The following CLASP2 variants were observed in gnomAD, a reference collection of about 807,000 sequenced individuals.
The protein encoded by CLASP2 is cytoplasmic linker associated protein 2, also known as CLIP-associating protein 2.
Under a neutral mutation model 194.4 loss-of-function variants are expected in CLASP2, and 47 were observed. The ratio of observed to expected loss-of-function variants is 0.24; its 90% CI spans 0.19 to 0.31. The LOEUF (loss-of-function observed/expected upper bound fraction) is 0.31. Among genes scored for constraint, CLASP2 ranks in the 10% least tolerant of loss-of-function variants. The pLI is 1.00. For synonymous variants in CLASP2, 619 were observed against 633.5 expected (o/e 0.98, Z 0.34); for missense variants, 1,445 against 1,823.6 (o/e 0.79, Z 3.78).
chr3:33,497,913 G>A lies in CLASP2; in HGVS notation c.*718C>T, dbSNP rs1172565399. 1.3e-5 allele frequency: 2 copies of A among 152,600 alleles called. No individual in the cohort carries two copies. Among genetic ancestry groups the A allele is most frequent in the Non-Finnish European group, 2.9e-5 (2 of 68,026 alleles). The allele number at this position is 152,600 out of a possible 1,614,324, so 9.5% of individuals were successfully genotyped here. A position where few individuals can be genotyped will look rare whatever the true frequency, so the allele number is the denominator to read the frequency against. ...AAGTATCAAGAAAAAACAGGCAGATGATTTGGTGCAGCTTTCTTAAGGGAT... is the reference window on the plus strand; with the variant it reads ...AAGTATCAAGAAAAAACAGGCAGATAATTTGGTGCAGCTTTCTTAAGGGAT... On this transcript the variant is annotated 3_prime_UTR_variant, in exon 39 of 39. Transcript: ENST00000682230.
chr3:33,633,494 T>A (rs1013274768), intron 8 of CLASP2, among the ~76,000 whole-genome samples: 1 of 152,140 alleles, frequency 6.6e-6, no homozygotes, highest in Non-Finnish European at 1.5e-5. Flanking sequence ...GTTCAAGCAA[T>A]GAGTTCACAA....
chr3:33,692,612 G>A (rs1241464742), intron 2 of CLASP2, among the ~76,000 whole-genome samples: 2 of 152,088 alleles, frequency 1.3e-5, no homozygotes, highest in Non-Finnish European at 2.9e-5. Context: ...AAGTTTCCTT[G>A]TCTGTAAAAT....
In CLASP2 at chr3:33,570,849, G is replaced by GT. The variant is rs1473093650; in HGVS notation, c.2700-60dup. On this transcript the variant is annotated intron_variant, in intron 25 of 38. Coordinates refer to ENST00000682230, the MANE Select transcript of CLASP2 (RefSeq NM_001365631.1). Reference sequence around the variant, plus strand: ...TGCTGTAGCAAGAAGTCATGTAAAAGTAACTTTACATATAATTTTCTTTAA... The same window carrying GT: ...TGCTGTAGCAAGAAGTCATGTAAAAGTTAACTTTACATATAATTTTCTTTAA... 4 of 1,144,498 alleles carry GT rather than the reference G, an allele frequency of 3.5e-6. No individual in the cohort carries two copies. In the East Asian group the frequency reaches 1.1e-4, roughly 32 times the overall value. The allele number at this position is 1,144,498 out of a possible 1,614,324, so 70.9% of individuals were successfully genotyped here.
chr3:33,618,703 T>A lies in CLASP2; in HGVS notation c.1317+900A>T, dbSNP rs996969673. 2.6e-5 allele frequency among the ~76,000 whole-genome samples: 4 copies of A among 152,108 alleles called. No individual in the cohort carries two copies. The South Asian group carries it at 8.3e-4, about 32-fold the overall frequency. ...AGGAAGTTAAAGAATATACTATGTA[T>A]ACTTACATGTTCTATATGTGTAGCA... On this transcript the variant is annotated intron_variant, in intron 12 of 38. Transcript: ENST00000682230.
At chr3:33,598,881 AC>A (rs2071232761) in intron 18 of CLASP2, among the ~76,000 whole-genome samples, 1 of 152,156 alleles carries the variant, frequency 6.6e-6, no homozygotes, top group Non-Finnish European at 1.5e-5. Flanking sequence ...CCTGTTTCCT[AC>A]CACCAAGTTT....
chr3:33,693,006 TAA>T (rs1233610045), intron 2 of CLASP2, among the ~76,000 whole-genome samples: 1 of 152,142 alleles, frequency 6.6e-6, no homozygotes, highest in Non-Finnish European at 1.5e-5. Context: ...TTTAAAATTT[TAA>T]AATAGTTTAC....
At chr3:33,527,160 T>G (rs918562192) in intron 34 of CLASP2, among the ~76,000 whole-genome samples, 1 of 152,046 alleles carries the variant, frequency 6.6e-6, no homozygotes, top group African/African-American at 2.4e-5. Context: ...CAAAACATCT[T>G]TCAAAAGATC....
intron 37 of CLASP2, among the ~76,000 whole-genome samples, chr3:33,506,011 T>C (rs1419737765): frequency 6.6e-6 from 1 of 152,208 alleles, no homozygotes; most frequent in African/African-American, 2.4e-5. Flanking sequence ...AAGTAATTTT[T>C]AAAACATTAT....
chr3:33,685,058 A>T (rs2090452249), intron 5 of CLASP2, among the ~76,000 whole-genome samples: 1 of 124,588 alleles, frequency 8.0e-6, no homozygotes, highest in African/African-American at 3.0e-5. Context: ...ATCTATTTGT[A>T]GGCCCGGCAC....
rs113245984 is a variant in CLASP2, at chr3:33,709,075, C to T, written c.195+8733G>A. ...GAATGCCATTTTGTTTTGTTGATTG[C>T]TTCCTTTGCTGTCCAGAAAACTTTG... On this transcript the variant is annotated intron_variant, in intron 1 of 38. Transcript: ENST00000682230. Among the ~76,000 whole-genome samples, 1,138 of 152,246 alleles carry T rather than the reference C, an allele frequency of 7.5e-3. 11 individuals are homozygous for T. Among genetic ancestry groups the T allele is most frequent in the African/African-American group, 0.025 (1,042 of 41,564 alleles).
At chr3:33,684,503 T>A (rs771854048) in intron 5 of CLASP2, 47 bp from the exon 6 acceptor site, 2 of 1,255,150 alleles carry the variant, frequency 1.6e-6, no homozygotes, top group African/African-American at 1.5e-5. Flanking sequence ...TATGATACAA[T>A]AAAATACTTC....
chr3:33,564,172 A>G (rs987040174), intron 27 of CLASP2, among the ~76,000 whole-genome samples: 3 of 152,236 alleles, frequency 2.0e-5, no homozygotes, highest in Non-Finnish European at 2.9e-5. Context: ...TGTGTCACCA[A>G]TTAGAACTAG....
intron 34 of CLASP2, among the ~76,000 whole-genome samples, chr3:33,525,206 A>G (rs1257430199): frequency 6.6e-5 from 10 of 152,228 alleles, no homozygotes; most frequent in Admixed American, 6.5e-4. Context: ...ATATAGAGAG[A>G]CAACTGAATA....
intron 1 of CLASP2, among the ~76,000 whole-genome samples, chr3:33,707,844 A>T (rs1343917154): frequency 6.6e-6 from 1 of 152,178 alleles, no homozygotes; most frequent in East Asian, 1.9e-4. Context: ...TTAAATAGAG[A>T]CTGAGGGGGA....
intron 12 of CLASP2, among the ~76,000 whole-genome samples, chr3:33,615,248 T>C (rs1037102336): frequency 6.6e-6 from 1 of 151,730 alleles, no homozygotes; most frequent in Non-Finnish European, 1.5e-5. Flanking sequence ...AATGAAAATA[T>C]CTTTGTTAAA....
intron 34 of CLASP2, among the ~76,000 whole-genome samples, chr3:33,526,080 C>CTTT: frequency 6.9e-6 from 1 of 144,424 alleles, no homozygotes; most frequent in Non-Finnish European, 1.5e-5. Flanking sequence ...GCTGCTTCTT[C>CTTT]TTTTTTTTTT....
intron 35 of CLASP2, 128 bp downstream of exon 35, chr3:33,516,853 G>A: frequency 1.2e-6 from 1 of 819,452 alleles, no homozygotes; most frequent in Non-Finnish European, 1.9e-6. Context: ...ACAGTGAAAA[G>A]TTCATGCAGA....
chr3:33,567,145 CTCTT>C (rs2062889994), intron 26 of CLASP2, among the ~76,000 whole-genome samples: 1 of 152,144 alleles, frequency 6.6e-6, no homozygotes, highest in African/African-American at 2.4e-5. Context: ...CCTTTCTTTT[CTCTT>C]TTTTTTCCTC....
At chr3:33,700,543 A>G (rs1403089115) in intron 1 of CLASP2, among the ~76,000 whole-genome samples, 1 of 152,174 alleles carries the variant, frequency 6.6e-6, no homozygotes, top group Middle Eastern at 3.4e-3. Flanking sequence ...ATAAAAGGTC[A>G]CTATAAAAAA....
Sources: gnomAD v4.1 joint callset for allele counts (sites outside exome capture counted in the v4.1 genomes callset) on GRCh38, gnomAD v4.1.1 for gene constraint, MANE v1.5 for transcripts, NCBI Gene and HGNC (gene_info 2026-07-23, HGNC 2026-07-21) for gene names.